ATP11B: variants seen among roughly 807,000 people sequenced by gnomAD.
ATP11B encodes phospholipid-transporting ATPase IF.
A neutral mutation model predicts 157.8 loss-of-function variants in ATP11B; 81 were observed. The ratio of observed to expected loss-of-function variants is 0.51; its 90% CI spans 0.43 to 0.62. The LOEUF (loss-of-function observed/expected upper bound fraction) is 0.62. ATP11B is among the 20% of genes least tolerant of loss of function. The pLI is 0.00. For missense variants in ATP11B, 1,165 were observed against 1,402.2 expected, an observed-to-expected ratio of 0.83 and a Z score of 2.70; for synonymous variants, 451 against 469.4, an observed-to-expected ratio of 0.96 and a Z score of 0.51.
chr3:182,844,578 T>C (rs1473833045), intron 8 of ATP11B: 1 of 984,216 alleles, frequency 1.0e-6, no homozygotes, highest in Admixed American at 6.1e-5. Context: ...GACCTGTGCT[T>C]CAAGAAGTAT....
intron 8 of ATP11B, among the ~76,000 whole-genome samples, chr3:182,845,009 T>TTTTTTTTTTTTTTTTTTTTTTTTTTTA (rs1560081876): frequency 8.9e-6 from 1 of 112,090 alleles, no homozygotes; most frequent in East Asian, 2.2e-4. Flanking sequence ...TTTTTTTATT[T>TTTTTTTTTTTTTTTTTTTTTTTTTTTA]TTTTTTATTT....
rs997695245 is a variant in ATP11B at position 182,853,913 on chromosome 3, A to C, written c.852-3965A>C. Among the ~76,000 whole-genome samples the C allele has an allele frequency of 6.6e-5, 10 of 152,356 alleles. No individual in the cohort carries two copies. The South Asian group carries it at 2.1e-3, about 32-fold the overall frequency. Reference sequence around the variant, plus strand: ...ATTTAAATACTTAATATAAAGCTACAGTAATTACAGTATGGTATTAACAAA... The same window carrying C: ...ATTTAAATACTTAATATAAAGCTACCGTAATTACAGTATGGTATTAACAAA... On this transcript the variant is annotated intron_variant, in intron 10 of 29. Coordinates refer to ENST00000323116, the MANE Select transcript of ATP11B (RefSeq NM_014616.3).
chr3:182,902,710 T>A, intron 28 of ATP11B: 1 of 332,794 alleles, frequency 3.0e-6, no homozygotes, highest in South Asian at 3.1e-5. Flanking sequence ...TGACCTTTAT[T>A]AACATATACG....
chr3:182,884,613 G>T, intron 21 of ATP11B, 140 bp from the exon 22 acceptor site: 2 of 684,014 alleles, frequency 2.9e-6, no homozygotes, highest in East Asian at 3.3e-5. Context: ...ACAACCTTTT[G>T]GACATCTGCT....
rs1721320478 is a variant in ATP11B, at chr3:182,867,370, G to A, written c.1620-6G>A. ...AGTCTCACTTTTTTATCCTTTTGAT[G>A]TCTAGGATTGGTATTGTGTTTATTG... On this transcript the variant is annotated splice_region_variant and splice_polypyrimidine_tract_variant and intron_variant, in intron 14 of 29. Coordinates refer to ENST00000323116, the MANE Select transcript of ATP11B (RefSeq NM_014616.3). 1 of 1,586,500 alleles carries A rather than the reference G, an allele frequency of 6.3e-7. No homozygotes were observed. Among genetic ancestry groups the A allele is most frequent in the Non-Finnish European group, 8.7e-7 (1 of 1,155,442 alleles).
At chr3:182,916,937 T>G in intron 29 of ATP11B, 1 of 982,620 alleles carries the variant, frequency 1.0e-6, no homozygotes, top group Non-Finnish European at 1.2e-6. Context: ...CTTCTCATTT[T>G]ATTCATTTAT....
chr3:182,807,984 C>G (rs929193926), intron 1 of ATP11B, among the ~76,000 whole-genome samples: 2 of 152,106 alleles, frequency 1.3e-5, no homozygotes, highest in Admixed American at 1.3e-4. Flanking sequence ...AACTGAGTAG[C>G]AAACACGTTT....
In ATP11B at chr3:182,892,109, C is replaced by A. The variant is rs967130259; in HGVS notation, c.2982+2561C>A. 2.0e-5 allele frequency among the ~76,000 whole-genome samples: 3 copies of A among 152,294 alleles called. No homozygotes were observed. In the South Asian group the frequency reaches 6.2e-4, roughly 32 times the overall value. On this transcript the variant is annotated intron_variant, in intron 25 of 29. Coordinates refer to ENST00000323116, the MANE Select transcript of ATP11B (RefSeq NM_014616.3). ...AACTCTCTCTTAACTGTGAAAATCA[C>A]CTTGCTGGCTCTCAGAATGTGCCAT... is the stretch of plus-strand genomic sequence containing the variant.
At chr3:182,824,936 G>C (rs1439938657) in intron 2 of ATP11B, among the ~76,000 whole-genome samples, 1 of 152,178 alleles carries the variant, frequency 6.6e-6, no homozygotes, top group Non-Finnish European at 1.5e-5. Context: ...TGTTTTTGTA[G>C]AAAGGTAGAA....
At chr3:182,831,846 A>G (rs1194577303) in intron 4 of ATP11B, among the ~76,000 whole-genome samples, 1 of 152,030 alleles carries the variant, frequency 6.6e-6, no homozygotes, top group African/African-American at 2.4e-5. Flanking sequence ...TTTATCCGTC[A>G]CTTTCATTTG....
chr3:182,898,840 T>G lies in ATP11B; in HGVS notation c.3318+68T>G, dbSNP rs969034039. The G allele has an allele frequency of 4.6e-6, 5 of 1,091,596 alleles. No homozygotes were observed. The African/African-American group carries it at 8.2e-5, about 18-fold the overall frequency. 67.6% of individuals were successfully genotyped at this position (1,091,596 alleles called of 1,614,324 possible). A position where few individuals can be genotyped will look rare whatever the true frequency, so the allele number is the denominator to read the frequency against. The stretch of plus-strand genomic sequence containing the variant: ...GATCTTTAATAATGAATAGCTGTCA[T>G]TATAATTTGATTATGTCAGAAAATA... On this transcript the variant is annotated intron_variant, in intron 28 of 29. Transcript: ENST00000323116.
chr3:182,837,461 A>G (rs1718642500), intron 7 of ATP11B, among the ~76,000 whole-genome samples: 1 of 152,148 alleles, frequency 6.6e-6, no homozygotes, highest in Non-Finnish European at 1.5e-5. Context: ...CAGTAGTTAT[A>G]GTAGACATAA....
At chr3:182,897,430 A>G (rs746836681) in intron 27 of ATP11B, 24 bp downstream of exon 27, 2 of 1,409,812 alleles carry the variant, frequency 1.4e-6, no homozygotes, top group East Asian at 2.4e-5. Context: ...TTGTATTTTA[A>G]TTGGATTGCT....
In ATP11B at chr3:182,895,112, CAAAAAAAAA is replaced by C. The variant is rs368282275; in HGVS notation, c.2983-1572_2983-1564del. ...TGGGTGACAGATGGAGACCCTGACT[CAAAAAAAAA>C]AAAAAAAAAAAAAAAGGAAAGTATC... On this transcript the variant is annotated intron_variant, in intron 25 of 29. Transcript: ENST00000323116. Among the ~76,000 whole-genome samples the C allele has an allele frequency of 7.2e-4, 49 of 68,274 alleles. No homozygotes were observed. In the Middle Eastern group the frequency reaches 0.04, roughly 56 times the overall value. The allele number at this position is 68,274 out of a possible 152,430, so 44.8% of individuals were successfully genotyped here. A position where few individuals can be genotyped will look rare whatever the true frequency, so the allele number is the denominator to read the frequency against.
Position 182,872,555 on chromosome 3 carries a change from A to T in ATP11B, c.2048+18A>T, listed in dbSNP as rs748766883. On this transcript the variant is annotated intron_variant, in intron 18 of 29. Transcript: ENST00000323116. ...GAAGACAGGTAAGTATCAGATAATT[A>T]AAAAATATTACTTTTCTCTCATAGG... is the stretch of plus-strand genomic sequence containing the variant. The T allele has an allele frequency of 1.6e-5, 25 of 1,554,206 alleles. No homozygotes were observed. In the East Asian group the frequency reaches 1.8e-4, roughly 11 times the overall value.
chr3:182,885,899 G>T, intron 22 of ATP11B, 52 bp from the exon 23 acceptor site: 2 of 1,266,688 alleles, frequency 1.6e-6, no homozygotes, highest in Non-Finnish European at 1.1e-6. Context: ...TTTTTATTTT[G>T]TCTTTGAAAC....
At chr3:182,845,362 G>A in intron 8 of ATP11B, 96 bp from the exon 9 acceptor site, 1 of 1,055,182 alleles carries the variant, frequency 9.5e-7, no homozygotes, top group Non-Finnish European at 1.4e-6. Context: ...TGGTGTTATG[G>A]CTATAGCTTA....
chr3:182,843,248 C>T lies in ATP11B; in HGVS notation c.704+1126C>T, dbSNP rs568219774. On this transcript the variant is annotated intron_variant, in intron 8 of 29. Coordinates refer to ENST00000323116, the MANE Select transcript of ATP11B (RefSeq NM_014616.3). ...TTCATCTGCTAGTAATTTGTGGCAG[C>T]AGCAAGTGAGGATGAAACAAATCCC... 1.8e-4 allele frequency among the ~76,000 whole-genome samples: 28 copies of T among 152,262 alleles called. No individual in the cohort carries two copies. The East Asian group carries it at 1.9e-3, about 10-fold the overall frequency.
chr3:182,876,340 G>A (rs1252947822), intron 19 of ATP11B, among the ~76,000 whole-genome samples: 3 of 152,052 alleles, frequency 2.0e-5, no homozygotes, highest in Non-Finnish European at 2.9e-5. Context: ...TTGTAATTTA[G>A]GCTATTTTCT....
Sources: gnomAD v4.1 joint callset for allele counts (sites outside exome capture counted in the v4.1 genomes callset) on GRCh38, gnomAD v4.1.1 for gene constraint, MANE v1.5 for transcripts, NCBI Gene and HGNC (gene_info 2026-07-23, HGNC 2026-07-21) for gene names.